CXCL13: variants seen among roughly 807,000 people sequenced by gnomAD.
CXCL13 encodes the protein C-X-C motif chemokine 13.
A neutral mutation model predicts 12.2 loss-of-function variants in CXCL13; 7 were observed. The observed-to-expected ratio is 0.57, with a 90% confidence interval of 0.33 to 1.07. The LOEUF is 1.07. Ranked by LOEUF, CXCL13 falls within the 50% of genes least tolerant of loss-of-function variation. The pLI is 0.04. For missense variants in CXCL13, 113 were observed against 127.4 expected (o/e 0.89, Z 0.55); for synonymous variants, 47 against 42.4 (o/e 1.11, Z -0.42).
At chr4:77,539,927 T>C (rs1206827248) in intron 1 of CXCL13, among the ~76,000 whole-genome samples, 3 of 152,112 alleles carry the variant, frequency 2.0e-5, no homozygotes, top group Non-Finnish European at 4.4e-5. Context: ...AATAGTGGCA[T>C]CCAAAAGTGA....
At chr4:77,548,174 T>C (rs1239360559) in intron 1 of CXCL13, among the ~76,000 whole-genome samples, 2 of 152,050 alleles carry the variant, frequency 1.3e-5, no homozygotes, top group Admixed American at 6.6e-5. Context: ...CTATTTAGAG[T>C]AGCATAATAT....
intron 1 of CXCL13, among the ~76,000 whole-genome samples, chr4:77,536,272 G>T (rs1273749121): frequency 6.6e-6 from 1 of 152,114 alleles, no homozygotes; most frequent in Non-Finnish European, 1.5e-5. Context: ...CCTAAATTTT[G>T]ATCATTATGG....
intron 1 of CXCL13, among the ~76,000 whole-genome samples, chr4:77,591,550 CAAAAAAAAAAAA>C (rs780283463): frequency 2.1e-5 from 1 of 48,616 alleles, no homozygotes; most frequent in South Asian, 7.7e-4. Flanking sequence ...GACTCCATCT[CAAAAAAAAAAAA>C]AAAAAAAAAA....
intron 1 of CXCL13, among the ~76,000 whole-genome samples, chr4:77,542,735 A>C (rs1460610239): frequency 6.6e-6 from 1 of 152,108 alleles, no homozygotes; most frequent in Non-Finnish European, 1.5e-5. Flanking sequence ...TGGTGAACTA[A>C]CTTTTTTAAG....
At position 77,531,297 on chromosome 4, in the gene CXCL13, C is replaced by G. The variant is rs181623740; in HGVS notation, c.-43+19509C>G. On this transcript the variant is annotated intron_variant, in intron 1 of 4. Transcript: ENST00000286758. Reference sequence around the variant, plus strand: ...CCCTCCCCCCACCCCACTACAGTCCCTGGTGTGTAGTGTTCCCCTTCCTGT... The same window carrying G: ...CCCTCCCCCCACCCCACTACAGTCCGTGGTGTGTAGTGTTCCCCTTCCTGT... 3.4e-3 allele frequency among the ~76,000 whole-genome samples: 406 copies of G among 121,058 alleles called. 10 individuals are homozygous for G. Among genetic ancestry groups the G allele is most frequent in the East Asian group, 0.028 (100 of 3,514 alleles). The allele number at this position is 121,058 out of a possible 152,430, so 79.4% of individuals were successfully genotyped here. A position where few individuals can be genotyped will look rare whatever the true frequency, so the allele number is the denominator to read the frequency against.
intron 1 of CXCL13, among the ~76,000 whole-genome samples, chr4:77,591,051 G>C (rs1726594360): frequency 6.6e-6 from 1 of 152,100 alleles, no homozygotes. Flanking sequence ...GATAATTTTT[G>C]TATTTTTAGT....
intron 1 of CXCL13, among the ~76,000 whole-genome samples, chr4:77,527,642 AAAAG>A (rs537167052): frequency 1.8e-3 from 275 of 152,208 alleles, no homozygotes; most frequent in Middle Eastern, 3.4e-3. Flanking sequence ...AGATAAAAAA[AAAAG>A]AAAGAAAGAA....
chr4:77,545,916 C>T (rs749431951), intron 1 of CXCL13, among the ~76,000 whole-genome samples: 9 of 152,090 alleles, frequency 5.9e-5, no homozygotes, highest in Non-Finnish European at 1.3e-4. Flanking sequence ...TTTTGAGATA[C>T]ATCCCATCAG....
intron 1 of CXCL13, among the ~76,000 whole-genome samples, chr4:77,516,666 T>C (rs1307913071): frequency 2.0e-5 from 3 of 152,178 alleles, no homozygotes; most frequent in Non-Finnish European, 4.4e-5. Context: ...CCCTTTATCA[T>C]TTTTTATTGT....
intron 1 of CXCL13, among the ~76,000 whole-genome samples, chr4:77,567,920 C>A (rs1024565997): frequency 2.0e-5 from 3 of 152,228 alleles, no homozygotes; most frequent in African/African-American, 4.8e-5. Context: ...CTCAGGGCTA[C>A]TCTGCCTATG....
intron 1 of CXCL13, among the ~76,000 whole-genome samples, chr4:77,548,052 A>G (rs931186461): frequency 5.3e-5 from 8 of 152,218 alleles, no homozygotes; most frequent in Non-Finnish European, 1.2e-4. Context: ...AAGGACTAGA[A>G]TAGTGTTTAA....
chr4:77,528,806 G>T (rs1158726613), intron 1 of CXCL13, among the ~76,000 whole-genome samples: 2 of 152,122 alleles, frequency 1.3e-5, no homozygotes, highest in Non-Finnish European at 1.5e-5. Context: ...GTCAATTTTG[G>T]CTTTTGTTGC....
chr4:77,558,190 C>T (rs1725709923), intron 1 of CXCL13, among the ~76,000 whole-genome samples: 1 of 152,222 alleles, frequency 6.6e-6, no homozygotes, highest in Admixed American at 6.5e-5. Flanking sequence ...TCTAAGATGC[C>T]TCTGGCTGTT....
At chr4:77,563,010 T>G (rs3098853) in intron 1 of CXCL13, among the ~76,000 whole-genome samples, 50,255 of 151,822 alleles carry the variant, frequency 0.33, 10,444 homozygotes, top group African/African-American at 0.59. Context: ...TTCACTCTTT[T>G]CAATAAATCT....
chr4:77,584,448 A>T (rs190602151), intron 1 of CXCL13, among the ~76,000 whole-genome samples: 203 of 152,286 alleles, frequency 1.3e-3, no homozygotes, highest in Non-Finnish European at 1.3e-3. Context: ...ATATGCAAAA[A>T]ATACAAAAAG....
intron 1 of CXCL13, among the ~76,000 whole-genome samples, chr4:77,590,376 G>A (rs1039365064): frequency 1.3e-5 from 2 of 152,230 alleles, no homozygotes; most frequent in South Asian, 2.1e-4. Context: ...GCTGACAGCT[G>A]TGGGGGATTC....
At chr4:77,513,603 C>G (rs977426875) in intron 1 of CXCL13, among the ~76,000 whole-genome samples, 6 of 152,098 alleles carry the variant, frequency 3.9e-5, no homozygotes, top group African/African-American at 1.2e-4. Context: ...AGGTGCCCAC[C>G]ACCAGGCCAA....
intron 1 of CXCL13, among the ~76,000 whole-genome samples, chr4:77,577,780 G>A (rs111422069): frequency 0.01 from 1,589 of 152,220 alleles, 7 homozygotes; most frequent in Middle Eastern, 0.017. Flanking sequence ...CATGTACCTC[G>A]GGTATTTGCT....
At chr4:77,542,572 G>A (rs1725231097) in intron 1 of CXCL13, among the ~76,000 whole-genome samples, 1 of 152,094 alleles carries the variant, frequency 6.6e-6, no homozygotes, top group Non-Finnish European at 1.5e-5. Context: ...CAATACTGGG[G>A]ATTACAATTC....
Sources: allele counts gnomAD v4.1 joint callset (sites outside exome capture counted in the v4.1 genomes callset), GRCh38; gene constraint gnomAD v4.1.1; transcripts MANE v1.5; gene names NCBI Gene and HGNC (gene_info 2026-07-23, HGNC 2026-07-21).